The following ZNF385D variants were observed in gnomAD, a reference collection of about 807,000 sequenced individuals.
The protein encoded by ZNF385D is zinc finger protein 659.
ZNF385D carries 15 observed loss-of-function variants against 35.8 expected under a neutral mutation model. The observed-to-expected ratio is 0.42, with a 90% CI of 0.28 to 0.64. The LOEUF (loss-of-function observed/expected upper bound fraction) is 0.64. ZNF385D is among the 30% of genes least tolerant of loss of function. The pLI, the probability that ZNF385D is intolerant of heterozygous loss-of-function variation, is 0.23. For synonymous variants in ZNF385D, 212 were observed against 186.8 expected (o/e 1.13, Z -1.10); for missense variants, 474 against 494.6 (o/e 0.96, Z 0.39).
At chr3:22,160,957 C>G (rs1381551484) in intron 3 of ZNF385D, among the ~76,000 whole-genome samples, 1 of 152,070 alleles carries the variant, frequency 6.6e-6, no homozygotes, top group Non-Finnish European at 1.5e-5. Context: ...AGTTATGCCC[C>G]TTGTAATATG....
intron 1 of ZNF385D, among the ~76,000 whole-genome samples, chr3:21,694,952 G>A (rs909194191): frequency 1.3e-5 from 2 of 152,128 alleles, no homozygotes; most frequent in Admixed American, 1.3e-4. Context: ...CATCAGCTTG[G>A]CTTTTAAAGT....
intron 2 of ZNF385D, among the ~76,000 whole-genome samples, chr3:22,359,520 C>A (rs1696317608): frequency 2.0e-5 from 3 of 151,876 alleles, no homozygotes; most frequent in Non-Finnish European, 4.4e-5. Flanking sequence ...AATGACAGGA[C>A]CCTTTTAGGT....
intron 3 of ZNF385D, among the ~76,000 whole-genome samples, chr3:22,085,953 C>A (rs1256313258): frequency 2.0e-5 from 3 of 151,986 alleles, no homozygotes; most frequent in African/African-American, 4.8e-5. Flanking sequence ...ATGATAGAAA[C>A]CACGATTATC....
intron 1 of ZNF385D, among the ~76,000 whole-genome samples, chr3:21,665,294 T>G (rs1190159667): frequency 6.6e-6 from 1 of 152,174 alleles, no homozygotes; most frequent in African/African-American, 2.4e-5. Flanking sequence ...CCTGTCTTTA[T>G]TTTCCTGCCT....
chr3:21,887,040 T>C (rs771726902), intron 3 of ZNF385D, among the ~76,000 whole-genome samples: 1 of 152,190 alleles, frequency 6.6e-6, no homozygotes, highest in African/African-American at 2.4e-5. Flanking sequence ...GCAGCATTTA[T>C]TGATCCTTTC....
chr3:21,775,263 T>C (rs2071240513), intron 3 of ZNF385D, among the ~76,000 whole-genome samples: 1 of 151,860 alleles, frequency 6.6e-6, no homozygotes. Context: ...AATGCAGGGT[T>C]GCAAAGTATT....
chr3:21,496,583 T>C (rs6782952), intron 4 of ZNF385D, among the ~76,000 whole-genome samples: 1 of 146,868 alleles, frequency 6.8e-6, no homozygotes, highest in African/African-American at 2.5e-5. Context: ...ATCATATATA[T>C]ATACACACAT....
chr3:22,070,479 CTTGCTTCA>C (rs1293413444), intron 3 of ZNF385D, among the ~76,000 whole-genome samples: 2 of 152,032 alleles, frequency 1.3e-5, no homozygotes. Context: ...GAGTTGAGTA[CTTGCTTCA>C]TTATCTCAAA....
chr3:21,985,186 A>T (rs1487023126), intron 3 of ZNF385D, among the ~76,000 whole-genome samples: 2 of 87,332 alleles, frequency 2.3e-5, no homozygotes, highest in African/African-American at 4.7e-5. Flanking sequence ...TGCCCTGGCC[A>T]GAACTTCCAA....
chr3:22,164,555 G>A lies in ZNF385D; in HGVS notation c.325+4262C>T, dbSNP rs558913729. On this transcript the variant is annotated intron_variant, in intron 3 of 5. Coordinates refer to the ZNF385D transcript ENST00000494108. Reference sequence around the variant, plus strand: ...AGGAACACTTTTTAAAGGGAATTGAGAAAGAAAAAAGGGCAGAGGGCTAGG... The same window carrying A: ...AGGAACACTTTTTAAAGGGAATTGAAAAAGAAAAAAGGGCAGAGGGCTAGG... 3.3e-5 allele frequency among the ~76,000 whole-genome samples: 5 copies of A among 149,272 alleles called. No individual in the cohort carries two copies. The South Asian group carries it at 6.3e-4, about 19-fold the overall frequency.
At chr3:22,192,160 T>C (rs1384671929) in intron 2 of ZNF385D, among the ~76,000 whole-genome samples, 2 of 152,082 alleles carry the variant, frequency 1.3e-5, no homozygotes, top group African/African-American at 4.8e-5. Context: ...AGTAACTTAG[T>C]CCAAAGGAGG....
At chr3:22,116,418 C>A (rs1702813764) in intron 3 of ZNF385D, among the ~76,000 whole-genome samples, 1 of 151,930 alleles carries the variant, frequency 6.6e-6, no homozygotes, top group Admixed American at 6.6e-5. Context: ...TGTTCATTAC[C>A]TGCATGAATG....
chr3:22,297,112 T>C (rs965441578), intron 2 of ZNF385D, among the ~76,000 whole-genome samples: 2 of 152,084 alleles, frequency 1.3e-5, no homozygotes, highest in East Asian at 3.9e-4. Flanking sequence ...TATTCTCCTA[T>C]CTTGAAAAAT....
chr3:22,122,689 G>A (rs78073213), intron 3 of ZNF385D, among the ~76,000 whole-genome samples: 1,722 of 152,214 alleles, frequency 0.011, 30 homozygotes, highest in African/African-American at 0.039. Flanking sequence ...TATATATATG[G>A]GGGAGGTAAC....
intron 2 of ZNF385D, among the ~76,000 whole-genome samples, chr3:22,201,365 T>TA (rs1275480856): frequency 1.5e-4 from 23 of 152,104 alleles, no homozygotes. Context: ...TCTGTAACCA[T>TA]AAAAAGTTTT....
chr3:21,621,956 T>C (rs2065021305), intron 2 of ZNF385D, among the ~76,000 whole-genome samples: 2 of 152,102 alleles, frequency 1.3e-5, no homozygotes, highest in Non-Finnish European at 2.9e-5. Flanking sequence ...GTATTACTCT[T>C]CTGGATTTTA....
At chr3:22,067,072 T>C (rs1447460626) in intron 3 of ZNF385D, among the ~76,000 whole-genome samples, 2 of 152,190 alleles carry the variant, frequency 1.3e-5, no homozygotes, top group Non-Finnish European at 1.5e-5. Context: ...TTTAATGTTC[T>C]TCCTTTCCAA....
rs746138066 is a variant in ZNF385D at position 21,602,517 on chromosome 3, C to CTTTTTTTTTTTTTTTTTTTTTTTTTT, written c.166-37859_166-37834dup. Among the ~76,000 whole-genome samples, 10 of 62,708 alleles carry CTTTTTTTTTTTTTTTTTTTTTTTTTT rather than the reference C, an allele frequency of 1.6e-4. 2 individuals carry two copies. Among genetic ancestry groups the CTTTTTTTTTTTTTTTTTTTTTTTTTT allele is most frequent in the Non-Finnish European group, 2.3e-4 (8 of 34,104 alleles). The allele number at this position is 62,708 out of a possible 152,430, so 41.1% of individuals were successfully genotyped here. Reference sequence around the variant, plus strand: ...TAGGTCTCCTGTTTCCCTGCATTTTCTTTTTTTTTTTTTTTTTTTTTTTTT... The same window carrying CTTTTTTTTTTTTTTTTTTTTTTTTTT: ...TAGGTCTCCTGTTTCCCTGCATTTTCTTTTTTTTTTTTTTTTTTTTTTTTTTTTTTTTTTTTTTTTTTTTTTTTTTT... On this transcript the variant is annotated intron_variant, in intron 2 of 7. Transcript: ENST00000281523.
intron 3 of ZNF385D, among the ~76,000 whole-genome samples, chr3:21,803,228 C>T (rs1283637536): frequency 6.6e-6 from 1 of 151,872 alleles, no homozygotes; most frequent in African/African-American, 2.4e-5. Context: ...ATAGGTGGCA[C>T]CTTAGAATCA....
Sources: gnomAD v4.1 joint callset for allele counts (sites outside exome capture counted in the v4.1 genomes callset) on GRCh38, gnomAD v4.1.1 for gene constraint, MANE v1.5 for transcripts, NCBI Gene and HGNC (gene_info 2026-07-23, HGNC 2026-07-21) for gene names.